DYNC1I1: variants seen among roughly 807,000 people sequenced by gnomAD.
The protein encoded by DYNC1I1 is cytoplasmic dynein 1 intermediate chain 1.
A neutral mutation model predicts 86.6 loss-of-function variants in DYNC1I1; 43 were observed. That is an observed-to-expected ratio of 0.50 (90% CI 0.39 to 0.64). The LOEUF (loss-of-function observed/expected upper bound fraction) is 0.64. DYNC1I1 is among the 30% of genes least tolerant of loss of function. The pLI is 0.00. For synonymous variants in DYNC1I1, 262 were observed against 283.7 expected, an observed-to-expected ratio of 0.92 and a Z score of 0.77; for missense variants, 604 against 788.8, an observed-to-expected ratio of 0.77 and a Z score of 2.81.
Position 96,080,473 on chromosome 7 carries a change from C to T in DYNC1I1, c.1761C>T (p.Val587=). 1.2e-6 allele frequency: 2 copies of T among 1,614,148 alleles called. No individual in the cohort carries two copies. ...GGGACTCGGAAGGCCGTATTTGGGT[C>T]TATGACGTTGGAGAGGTACGTGTGT... ...AVGDSEGRIW[V]YDVGELAVPH... Residue 587 remains valine, a synonymous_variant, in exon 16 of 17, where the codon GTC becomes GTT. Transcript: ENST00000447467.
intron 6 of DYNC1I1, among the ~76,000 whole-genome samples, chr7:95,925,506 T>C (rs1431637824): frequency 1.3e-5 from 2 of 152,208 alleles, no homozygotes; most frequent in African/African-American, 4.8e-5. Flanking sequence ...CAGCTGTGAT[T>C]CTGGAAGTTT....
At chr7:96,101,609 CAACAAGGTA>C (rs1194922673), downstream of DYNC1I1, among the ~76,000 whole-genome samples, 1 of 152,150 alleles carries the variant, frequency 6.6e-6, no homozygotes, top group Non-Finnish European at 1.5e-5. Context: ...TGGCTTACGG[CAACAAGGTA>C]ATGTAATGGA....
rs567029171 is a variant in DYNC1I1 at position 95,810,684 on chromosome 7, A to T, written c.223+178A>T. Reference sequence around the variant, plus strand: ...TTGGAATTGAGGGGGCTGGAAGGAGATGGGAGGAAAGTTGTAGAATTGTCA... The same window carrying T: ...TTGGAATTGAGGGGGCTGGAAGGAGTTGGGAGGAAAGTTGTAGAATTGTCA... On this transcript the variant is annotated intron_variant, in intron 3 of 16. Coordinates refer to ENST00000447467, the MANE Select transcript of DYNC1I1 (RefSeq NM_001135556.2). Among the ~76,000 whole-genome samples the T allele has an allele frequency of 9.3e-5, 8 of 85,934 alleles. No homozygotes were observed. The East Asian group carries it at 3.5e-3, about 38-fold the overall frequency. 56.4% of individuals were successfully genotyped at this position (85,934 alleles called of 152,430 possible).
chr7:96,020,343 A>G (rs928982896), intron 10 of DYNC1I1, among the ~76,000 whole-genome samples: 3 of 152,122 alleles, frequency 2.0e-5, no homozygotes, highest in Non-Finnish European at 2.9e-5. Flanking sequence ...GGAGTAAGTC[A>G]TGTCTTACAT....
At chr7:95,911,064 C>T (rs1450657311) in intron 6 of DYNC1I1, among the ~76,000 whole-genome samples, 3 of 152,148 alleles carry the variant, frequency 2.0e-5, no homozygotes, top group African/African-American at 7.2e-5. Context: ...TGGAAGAGTT[C>T]TGAAGAGGCA....
At chr7:95,820,424 G>A (rs562717274) in intron 4 of DYNC1I1, among the ~76,000 whole-genome samples, 1 of 152,262 alleles carries the variant, frequency 6.6e-6, no homozygotes, top group South Asian at 2.1e-4. Flanking sequence ...TTTAGCGATG[G>A]CATTGACTAG....
intron 14 of DYNC1I1, among the ~76,000 whole-genome samples, chr7:96,054,221 G>A (rs1316675734): frequency 3.9e-5 from 6 of 152,016 alleles, no homozygotes; most frequent in Non-Finnish European, 8.8e-5. Flanking sequence ...CCACTTATGA[G>A]TGAGAACATG....
intron 6 of DYNC1I1, among the ~76,000 whole-genome samples, chr7:95,938,959 C>T (rs1356240132): frequency 6.6e-6 from 1 of 152,180 alleles, no homozygotes; most frequent in East Asian, 1.9e-4. Flanking sequence ...CCTCTACACA[C>T]TGCTTTGAAT....
At chr7:95,972,276 C>T (rs565240509) in intron 6 of DYNC1I1, among the ~76,000 whole-genome samples, 3 of 152,210 alleles carry the variant, frequency 2.0e-5, no homozygotes, top group East Asian at 1.9e-4. Context: ...GCGTGGGGAC[C>T]GAGGGAGCTC....
chr7:96,019,762 A>G (rs533708381), intron 10 of DYNC1I1, among the ~76,000 whole-genome samples: 188 of 152,264 alleles, frequency 1.2e-3, no homozygotes, highest in Non-Finnish European at 2.5e-3. Flanking sequence ...GATCATCAGG[A>G]CAACCTCCAT....
intron 1 of DYNC1I1, among the ~76,000 whole-genome samples, chr7:95,803,113 G>T (rs1315421699): frequency 1.3e-5 from 2 of 152,178 alleles, no homozygotes; most frequent in African/African-American, 4.8e-5. Flanking sequence ...TATTGGGTAG[G>T]CAGTCTCAGT....
At chr7:95,932,129 C>G (rs1054326344) in intron 6 of DYNC1I1, among the ~76,000 whole-genome samples, 1 of 152,124 alleles carries the variant, frequency 6.6e-6, no homozygotes, top group Non-Finnish European at 1.5e-5. Context: ...CTACCTCATT[C>G]TGTTTAGCTG....
At position 96,048,927 on chromosome 7, in the gene DYNC1I1, G is replaced by A. The variant is rs549060776; in HGVS notation, c.1509+9506G>A. 2.6e-5 allele frequency among the ~76,000 whole-genome samples: 4 copies of A among 152,246 alleles called. No individual in the cohort carries two copies. In the South Asian group the frequency reaches 6.2e-4, roughly 24 times the overall value. On this transcript the variant is annotated intron_variant, in intron 14 of 16. Coordinates refer to ENST00000447467, the MANE Select transcript of DYNC1I1 (RefSeq NM_001135556.2). ...GCTTTCTCCTCTTCTTAATCTCTATGAGCGTAAAATTTAAAGGAAGCAATC... is the reference window on the plus strand; with the variant it reads ...GCTTTCTCCTCTTCTTAATCTCTATAAGCGTAAAATTTAAAGGAAGCAATC...
intron 6 of DYNC1I1, among the ~76,000 whole-genome samples, chr7:95,908,606 C>T (rs918974815): frequency 2.6e-5 from 4 of 152,156 alleles, no homozygotes; most frequent in East Asian, 3.9e-4. Flanking sequence ...AGCATTCAGT[C>T]GTCTGGCCTC....
At chr7:95,959,386 A>G (rs1792802932) in intron 6 of DYNC1I1, among the ~76,000 whole-genome samples, 2 of 152,212 alleles carry the variant, frequency 1.3e-5, no homozygotes, top group African/African-American at 4.8e-5. Context: ...GATAATTGAC[A>G]AAGACCTAAA....
At chr7:95,925,228 A>G (rs1349765863) in intron 6 of DYNC1I1, among the ~76,000 whole-genome samples, 5 of 152,188 alleles carry the variant, frequency 3.3e-5, no homozygotes, top group Non-Finnish European at 1.5e-5. Context: ...TCTTGAGCTT[A>G]AAAGTACATG....
At chr7:96,107,761 C>T (rs1277995462) in intron 16 of DYNC1I1, among the ~76,000 whole-genome samples, 5 of 151,206 alleles carry the variant, frequency 3.3e-5, no homozygotes, top group Non-Finnish European at 5.9e-5. Flanking sequence ...CTCCTGACCT[C>T]GTGATCCACC....
downstream of DYNC1I1, among the ~76,000 whole-genome samples, chr7:96,103,085 A>G (rs1791160331): frequency 6.6e-6 from 1 of 152,192 alleles, no homozygotes; most frequent in African/African-American, 2.4e-5. Flanking sequence ...TTGTCACCCA[A>G]CAGGATTTTA....
At chr7:95,941,218 G>A (rs1000237819) in intron 6 of DYNC1I1, among the ~76,000 whole-genome samples, 3 of 152,020 alleles carry the variant, frequency 2.0e-5, no homozygotes, top group African/African-American at 7.2e-5. Flanking sequence ...ACTGGGGGGT[G>A]CCTCCCAGTT....
Sources: gnomAD v4.1 joint callset for allele counts (sites outside exome capture counted in the v4.1 genomes callset) on GRCh38, gnomAD v4.1.1 for gene constraint, MANE v1.5 for transcripts, NCBI Gene and HGNC (gene_info 2026-07-23, HGNC 2026-07-21) for gene names.